The following SPOCK3 variants were observed in gnomAD, a reference collection of about 807,000 sequenced individuals.
SPOCK3 encodes the protein SPARC (osteonectin), cwcv and kazal like domains proteoglycan 3, also known as testican-3.
Under a neutral mutation model 56.6 loss-of-function variants are expected in SPOCK3, and 30 were observed. The observed-to-expected ratio is 0.53, with a 90% CI of 0.40 to 0.72. The LOEUF (loss-of-function observed/expected upper bound fraction) is 0.72. SPOCK3 is among the 30% of genes least tolerant of loss of function. The pLI, the probability that SPOCK3 is intolerant of heterozygous loss-of-function variation, is 0.00. For synonymous variants in SPOCK3, 196 were observed against 183.3 expected, an observed-to-expected ratio of 1.07 and a Z score of -0.56; for missense variants, 527 against 530.0, an observed-to-expected ratio of 0.99 and a Z score of 0.06.
At chr4:167,126,708 T>TAA (rs1304942629) in intron 2 of SPOCK3, among the ~76,000 whole-genome samples, 4 of 152,160 alleles carry the variant, frequency 2.6e-5, no homozygotes, top group African/African-American at 7.2e-5. Context: ...GCCAGCCTTT[T>TAA]ATCCTTACAA....
rs979157851 is a variant in SPOCK3 at position 167,090,589 on chromosome 4, C to T, written c.190-28052G>A. 7.9e-5 allele frequency among the ~76,000 whole-genome samples: 12 copies of T among 152,020 alleles called. No homozygotes were observed. In the East Asian group the frequency reaches 9.7e-4, roughly 12 times the overall value. On this transcript the variant is annotated intron_variant, in intron 2 of 10. Coordinates refer to ENST00000357545, the MANE Select transcript of SPOCK3 (RefSeq NM_001040159.2). ...CGAGATCTCGGCTCACCACAACCTCCGCCTCCCAGGTTCAAGTGATTCTCC... is the reference window on the plus strand; with the variant it reads ...CGAGATCTCGGCTCACCACAACCTCTGCCTCCCAGGTTCAAGTGATTCTCC...
At chr4:167,205,106 G>A (rs1242080478) in intron 2 of SPOCK3, among the ~76,000 whole-genome samples, 1 of 120,906 alleles carries the variant, frequency 8.3e-6, no homozygotes, top group Non-Finnish European at 1.6e-5. Context: ...TTACAGGCAT[G>A]AACACTCCAT....
At chr4:166,882,641 A>G (rs1221770408) in intron 6 of SPOCK3, among the ~76,000 whole-genome samples, 2 of 152,236 alleles carry the variant, frequency 1.3e-5, no homozygotes, top group Non-Finnish European at 2.9e-5. Flanking sequence ...ATAACATACA[A>G]CTACATAAGC....
chr4:167,046,913 G>A (rs1160709549), intron 3 of SPOCK3, among the ~76,000 whole-genome samples: 3 of 152,118 alleles, frequency 2.0e-5, no homozygotes, highest in Non-Finnish European at 4.4e-5. Flanking sequence ...CAAAGACTCA[G>A]AAACAGAAAC....
At chr4:166,836,302 A>G (rs1746613648) in intron 6 of SPOCK3, among the ~76,000 whole-genome samples, 1 of 152,194 alleles carries the variant, frequency 6.6e-6, no homozygotes, top group Non-Finnish European at 1.5e-5. Flanking sequence ...TTCATGTATT[A>G]AATTCTCAAC....
chr4:166,765,040 GTTT>G (rs900116356), intron 7 of SPOCK3, among the ~76,000 whole-genome samples: 2 of 152,018 alleles, frequency 1.3e-5, no homozygotes, highest in African/African-American at 4.8e-5. Context: ...TGGGTTCTTT[GTTT>G]TTTTCTTGTA....
intron 2 of SPOCK3, among the ~76,000 whole-genome samples, chr4:167,209,722 T>G (rs1734680613): frequency 6.6e-6 from 1 of 152,176 alleles, no homozygotes; most frequent in Non-Finnish European, 1.5e-5. Flanking sequence ...AGCATGTGCT[T>G]AGAACACTAG....
intron 3 of SPOCK3, among the ~76,000 whole-genome samples, chr4:167,046,416 G>A (rs1389683515): frequency 3.5e-5 from 3 of 85,380 alleles, no homozygotes. Flanking sequence ...TATTTATTCT[G>A]TTCCTTTATT....
At chr4:167,166,767 T>A (rs988396757) in intron 2 of SPOCK3, among the ~76,000 whole-genome samples, 2 of 152,126 alleles carry the variant, frequency 1.3e-5, no homozygotes, top group African/African-American at 4.8e-5. Context: ...AATGTATGCA[T>A]GGGATTTTGA....
At chr4:166,764,656 G>A (rs1413894171) in intron 7 of SPOCK3, among the ~76,000 whole-genome samples, 1 of 152,084 alleles carries the variant, frequency 6.6e-6, no homozygotes, top group Non-Finnish European at 1.5e-5. Flanking sequence ...ACATACATGT[G>A]CATGTGCCTT....
chr4:166,746,636 G>A lies in SPOCK3; in HGVS notation c.932-4577C>T, dbSNP rs551992613. 1.1e-4 allele frequency among the ~76,000 whole-genome samples: 16 copies of A among 152,246 alleles called. No individual in the cohort carries two copies. In the South Asian group the frequency reaches 3.3e-3, roughly 32 times the overall value. ...AGAAGGCAAGAAATAACTAAGATCA[G>A]AGAAGAACTGAAGGAGATAAAGACA... On this transcript the variant is annotated intron_variant, in intron 8 of 10. Transcript: ENST00000357545.
chr4:166,822,443 T>A (rs1375177314), intron 6 of SPOCK3, among the ~76,000 whole-genome samples: 1 of 152,048 alleles, frequency 6.6e-6, no homozygotes, highest in Non-Finnish European at 1.5e-5. Flanking sequence ...CTATTATTTT[T>A]AAATGTCTCT....
chr4:166,911,650 G>A (rs1015295836), intron 5 of SPOCK3, among the ~76,000 whole-genome samples: 4 of 152,028 alleles, frequency 2.6e-5, no homozygotes, highest in African/African-American at 9.7e-5. Flanking sequence ...TCATTCTTCT[G>A]CCTCAGCCTC....
rs539733378 is a variant in SPOCK3, at chr4:166,899,661, C to T, written c.475-10417G>A. Among the ~76,000 whole-genome samples the T allele has an allele frequency of 7.2e-5, 11 of 152,022 alleles. No individual in the cohort carries two copies. The South Asian group carries it at 2.1e-3, about 29-fold the overall frequency. On this transcript the variant is annotated intron_variant, in intron 5 of 10. Transcript: ENST00000357545. ...CCTCCTGAATAGCTGGGATTACAGG[C>T]ACACGCCACCATGCCCGTCTAATTT...
chr4:167,125,344 G>A (rs1762183443), intron 2 of SPOCK3, among the ~76,000 whole-genome samples: 1 of 149,942 alleles, frequency 6.7e-6, no homozygotes, highest in Non-Finnish European at 1.5e-5. Flanking sequence ...ACCTTGATTA[G>A]AGATCTTAAC....
At chr4:166,822,522 T>A (rs1285213464) in intron 6 of SPOCK3, among the ~76,000 whole-genome samples, 1 of 152,032 alleles carries the variant, frequency 6.6e-6, no homozygotes, top group Non-Finnish European at 1.5e-5. Flanking sequence ...TTTGAGAAAT[T>A]TTTTGGCACT....
chr4:166,826,674 A>G (rs537120838), intron 6 of SPOCK3, among the ~76,000 whole-genome samples: 4 of 152,222 alleles, frequency 2.6e-5, no homozygotes, highest in Admixed American at 2.6e-4. Context: ...TTACATTCTA[A>G]CCTTGGATTA....
intron 2 of SPOCK3, among the ~76,000 whole-genome samples, chr4:167,218,770 CT>C (rs1418475764): frequency 6.6e-6 from 1 of 151,964 alleles, no homozygotes. Context: ...GACAAAAAAA[CT>C]TTAAATTCTG....
chr4:166,808,333 TGCCAATGTGACTGTATCTGCAAATAGG>T (rs1369652168), intron 6 of SPOCK3, among the ~76,000 whole-genome samples: 1 of 152,122 alleles, frequency 6.6e-6, no homozygotes, highest in Non-Finnish European at 1.5e-5. Flanking sequence ...AAGCCCTAAC[TGCCAATGTGACTGTATCTGCAAATAGG>T]GTCTCTGGGA....
Sources: gnomAD v4.1 joint callset for allele counts (sites outside exome capture counted in the v4.1 genomes callset) on GRCh38, gnomAD v4.1.1 for gene constraint, MANE v1.5 for transcripts, NCBI Gene and HGNC (gene_info 2026-07-23, HGNC 2026-07-21) for gene names.